The following ANO6 variants were observed in gnomAD, a reference collection of about 807,000 sequenced individuals.
ANO6 encodes anoctamin-6.
Under a neutral mutation model 117.5 loss-of-function variants are expected in ANO6, and 106 were observed. The ratio of observed to expected loss-of-function variants is 0.90; its 90% CI spans 0.77 to 1.06. ANO6 has a LOEUF of 1.06. ANO6 is among the 50% of genes least tolerant of loss of function. ANO6 has a pLI of 0.00. For synonymous variants in ANO6, 367 were observed against 385.1 expected (o/e 0.95, Z 0.55); for missense variants, 955 against 1,121.1 (o/e 0.85, Z 2.12).
At chr12:45,380,649 G>T (rs898572815) in intron 10 of ANO6, among the ~76,000 whole-genome samples, 5 of 152,170 alleles carry the variant, frequency 3.3e-5, no homozygotes, top group Admixed American at 6.5e-5. Context: ...AACCCTAGCT[G>T]CAAGAGAGTT....
rs773874248 is a variant in ANO6, at chr12:45,216,277, G to A, written c.-45G>A. 3 of 1,574,102 alleles carry A rather than the reference G, an allele frequency of 1.9e-6. No homozygotes were observed. The South Asian group carries it at 3.5e-5, about 18-fold the overall frequency. ...AGCCGCGCCGTTCTGGAACCCGGGA[G>A]CCCCCAACTTCGCGCCAAGTTCGGA... On this transcript the variant is annotated 5_prime_UTR_variant, in exon 1 of 20. Coordinates refer to ENST00000320560, the MANE Select transcript of ANO6 (RefSeq NM_001025356.3).
chr12:45,314,009 C>T lies in ANO6; in HGVS notation c.150+11916C>T, dbSNP rs80116067. Among the ~76,000 whole-genome samples the T allele has an allele frequency of 6.8e-3, 1,037 of 152,130 alleles. 16 individuals are homozygous for T. The highest frequency in any genetic ancestry group is 0.024 in the African/African-American group (978 of 41,532). On this transcript the variant is annotated intron_variant, in intron 2 of 19. Coordinates refer to ENST00000320560, the MANE Select transcript of ANO6 (RefSeq NM_001025356.3). Reference sequence around the variant, plus strand: ...GCATACTGTTCACCTCAGGCTCCTGCATCATCTTATTGTCTGACAGTGTTA... The same window carrying T: ...GCATACTGTTCACCTCAGGCTCCTGTATCATCTTATTGTCTGACAGTGTTA...
chr12:45,431,061 T>C lies in ANO6; in HGVS notation c.*1750T>C. The C allele has an allele frequency of 1.0e-6, 1 of 985,452 alleles. No homozygotes were observed. The allele number at this position is 985,452 out of a possible 1,614,324, so 61.0% of individuals were successfully genotyped here. ...GCCATGAATGATTTGTAAGTAATTA[T>C]GTAGGATCCATCAAAGCAGTATTGT... On this transcript the variant is annotated 3_prime_UTR_variant, in exon 20 of 20. Transcript: ENST00000320560.
At chr12:45,378,008 T>C (rs1336749367) in intron 9 of ANO6, 45 bp from the exon 10 acceptor site, 1 of 1,530,468 alleles carries the variant, frequency 6.5e-7, no homozygotes, top group South Asian at 1.1e-5. Context: ...TGAATCCTAA[T>C]AAGTGGAGGA....
chr12:45,429,252 G>T lies in ANO6; in HGVS notation c.2674G>T (p.Val892Leu), dbSNP rs60329053. 5.7e-5 allele frequency: 92 copies of T among 1,613,906 alleles called. No individual in the cohort carries two copies. In the African/African-American group the frequency reaches 1.1e-3, roughly 18 times the overall value. Residue 892 changes from valine (V) to leucine (L), a missense_variant, in exon 20 of 20, where the codon GTG becomes TTG. Coordinates refer to ENST00000320560, the MANE Select transcript of ANO6 (RefSeq NM_001025356.3). ...CAAAGATATGACGAAAAATATGGGGGTGATAGCTGAGCGGATGATAGAAGC... is the reference window on the plus strand; with the variant it reads ...CAAAGATATGACGAAAAATATGGGGTTGATAGCTGAGCGGATGATAGAAGC... Reference protein sequence around the residue: ...HLKDMTKNMGVIAERMIEAVD... With the variant: ...HLKDMTKNMGLIAERMIEAVD...
At chr12:45,357,755 G>C (rs1247655714) in intron 8 of ANO6, among the ~76,000 whole-genome samples, 1 of 152,208 alleles carries the variant, frequency 6.6e-6, no homozygotes, top group Non-Finnish European at 1.5e-5. Context: ...ACTCAGCCCT[G>C]CAGATGTGAG....
chr12:45,234,414 T>C (rs1947616587), intron 1 of ANO6, among the ~76,000 whole-genome samples: 1 of 152,326 alleles, frequency 6.6e-6, no homozygotes, highest in South Asian at 2.1e-4. Flanking sequence ...GATTTTTTTT[T>C]ACTGGTAAAA....
At chr12:45,436,927 T>C (rs946359125), downstream of ANO6, among the ~76,000 whole-genome samples, 7 of 152,052 alleles carry the variant, frequency 4.6e-5, no homozygotes, top group Admixed American at 1.3e-4. Flanking sequence ...AATTGCGCCA[T>C]TGCACTCCAG....
At chr12:45,320,622 C>G (rs536373229) in intron 2 of ANO6, among the ~76,000 whole-genome samples, 1 of 151,996 alleles carries the variant, frequency 6.6e-6, no homozygotes, top group Non-Finnish European at 1.5e-5. Flanking sequence ...AGTTCTGTAG[C>G]TATCTATTAG....
At chr12:45,413,198 C>T (rs1293649676) in intron 16 of ANO6, among the ~76,000 whole-genome samples, 4 of 152,108 alleles carry the variant, frequency 2.6e-5, no homozygotes, top group Non-Finnish European at 5.9e-5. Flanking sequence ...GGATGAGATT[C>T]GTGGTGGGAG....
At chr12:45,329,188 A>G (rs932791261) in intron 2 of ANO6, among the ~76,000 whole-genome samples, 1 of 152,160 alleles carries the variant, frequency 6.6e-6, no homozygotes, top group Non-Finnish European at 1.5e-5. Context: ...TCAGCATTTT[A>G]ACTATCTGTT....
In ANO6 at chr12:45,409,308, C is replaced by T. The variant is rs780042629; in HGVS notation, c.1881-49C>T. On this transcript the variant is annotated intron_variant, in intron 15 of 19. Transcript: ENST00000320560. ...GATAGCAGCAAAATATTTTTATGAC[C>T]TTGGCCTGATAATATTCGTTCTAAT... The T allele has an allele frequency of 5.6e-6, 9 of 1,608,050 alleles. No homozygotes were observed. The African/African-American group carries it at 1.2e-4, about 22-fold the overall frequency.
chr12:45,377,030 A>G (rs1221702735), intron 9 of ANO6, among the ~76,000 whole-genome samples: 3 of 152,162 alleles, frequency 2.0e-5, no homozygotes, highest in South Asian at 2.1e-4. Flanking sequence ...ATATTTTTAC[A>G]TAGATGAAGG....
At chr12:45,323,179 A>G (rs73279683) in intron 2 of ANO6, among the ~76,000 whole-genome samples, 2,399 of 152,272 alleles carry the variant, frequency 0.016, 54 homozygotes, top group African/African-American at 0.053. Flanking sequence ...AACATATTCT[A>G]TTCTTTTGTG....
intron 12 of ANO6, among the ~76,000 whole-genome samples, chr12:45,392,432 C>A (rs1365947446): frequency 6.6e-6 from 1 of 152,222 alleles, no homozygotes; most frequent in African/African-American, 2.4e-5. Flanking sequence ...CATAGCTGAA[C>A]AAAAGGCAGC....
chr12:45,346,715 G>A (rs1941142934), intron 3 of ANO6, among the ~76,000 whole-genome samples: 1 of 152,144 alleles, frequency 6.6e-6, no homozygotes, highest in African/African-American at 2.4e-5. Context: ...ACGTGGGATT[G>A]TGTCAAAGCA....
chr12:45,395,919 T>C (rs1450500226), intron 12 of ANO6, among the ~76,000 whole-genome samples: 1 of 152,218 alleles, frequency 6.6e-6, no homozygotes, highest in Non-Finnish European at 1.5e-5. Context: ...GCATTCCCTT[T>C]GAAAACTGGC....
chr12:45,372,975 T>G (rs1032792846), intron 9 of ANO6, among the ~76,000 whole-genome samples: 8 of 152,310 alleles, frequency 5.3e-5, no homozygotes, highest in East Asian at 1.9e-4. Context: ...CCATCTCATG[T>G]GCAGAGACAC....
intron 15 of ANO6, among the ~76,000 whole-genome samples, chr12:45,405,675 C>G (rs933730792): frequency 6.6e-6 from 1 of 152,158 alleles, no homozygotes; most frequent in Non-Finnish European, 1.5e-5. Flanking sequence ...TTTGGGAGGC[C>G]AAGGTGGTCA....
Sources: gnomAD v4.1 joint callset for allele counts (sites outside exome capture counted in the v4.1 genomes callset) on GRCh38, gnomAD v4.1.1 for gene constraint, MANE v1.5 for transcripts, NCBI Gene and HGNC (gene_info 2026-07-23, HGNC 2026-07-21) for gene names.